Variants in NEXMIF observed in about 807,000 individuals in gnomAD.
NEXMIF encodes the protein neurite extension and migration factor.
A neutral mutation model predicts 62.1 loss-of-function variants in NEXMIF; 8 were observed. That is an observed-to-expected ratio of 0.13 (90% confidence interval 0.08 to 0.23). The LOEUF (loss-of-function observed/expected upper bound fraction) is 0.23. NEXMIF is among the 10% of genes least tolerant of loss of function. NEXMIF has a pLI of 1.00. For synonymous variants in NEXMIF, 404 were observed against 416.6 expected, an observed-to-expected ratio of 0.97 and a Z score of 0.37; for missense variants, 976 against 1,113.3, an observed-to-expected ratio of 0.88 and a Z score of 1.75.
At chrX:74,802,350 G>A (rs2080332406) in intron 1 of NEXMIF, among the ~76,000 whole-genome samples, 1 of 111,425 alleles carries the variant, frequency 9.0e-6, no homozygotes. Flanking sequence ...AGCTCCAGGT[G>A]GCTCAGAACA....
In NEXMIF at chrX:74,742,744, G is replaced by T. The variant is rs747472111; in HGVS notation, c.1813C>A (p.Pro605Thr). ...RNTNTDSIKT[P>T]FSQKQSFEPG... ...TCAAAGCTTTGCTTTTGGGAAAAAG[G>T]TGTCTTGATGGAGTCCGTGTTGGTG... is the stretch of plus-strand genomic sequence containing the variant. The change falls in exon 3 of 4, where the codon CCT (proline) becomes ACT (threonine). Residue 605 changes from proline to threonine, a missense_variant. Around this residue, in one of 5 missense-constraint regions of NEXMIF, gnomAD observed 639 missense variants for 694.5 expected, o/e 0.92. Coordinates refer to ENST00000055682, the MANE Select transcript of NEXMIF (RefSeq NM_001008537.3). 2 of 1,210,821 alleles carry T rather than the reference G, an allele frequency of 1.7e-6. No individual in the cohort carries two copies. Among genetic ancestry groups the T allele is most frequent in the Admixed American group, 2.2e-5 (1 of 45,909 alleles).
intron 1 of NEXMIF, among the ~76,000 whole-genome samples, chrX:74,902,183 C>T (rs760505257): frequency 2.7e-4 from 30 of 109,837 alleles, no homozygotes; most frequent in African/African-American, 8.6e-4. Flanking sequence ...AAATGGGATC[C>T]TCAAACCATT....
In NEXMIF at chrX:74,741,110, C is replaced by A. The variant is rs1182133752; in HGVS notation, c.3447G>T (p.Leu1149=). ...TTGACAGGCAAGGGTTTTTTTGGAG[C>A]AGGCTGACAGAATCCTCATCATTGA... ...HMFNDEDSVS[L]LQKNPCLSTF... The change falls in exon 3 of 4, where the codon CTG becomes CTT. Residue 1149 remains leucine, a synonymous_variant. Transcript: ENST00000055682. 8.3e-7 allele frequency: 1 copy of A among 1,210,834 alleles called. No homozygotes were observed. Among genetic ancestry groups the A allele is most frequent in the Non-Finnish European group, 1.1e-6 (1 of 894,915 alleles).
chrX:74,786,839 G>T (rs775075977), intron 1 of NEXMIF, among the ~76,000 whole-genome samples: 1 of 109,521 alleles, frequency 9.1e-6, no homozygotes, highest in Non-Finnish European at 1.9e-5. Flanking sequence ...ACACACACAC[G>T]TGAGCACATG....
At chrX:74,813,720 T>C (rs2080367524) in intron 1 of NEXMIF, among the ~76,000 whole-genome samples, 1 of 112,253 alleles carries the variant, frequency 8.9e-6, no homozygotes, top group South Asian at 3.7e-4. Flanking sequence ...TTCATCTGTA[T>C]GTATCAATGA....
intron 1 of NEXMIF, among the ~76,000 whole-genome samples, chrX:74,843,260 A>G (rs2080479827): frequency 9.0e-6 from 1 of 111,287 alleles, no homozygotes; most frequent in Non-Finnish European, 1.9e-5. Context: ...TCTTCGTTTG[A>G]AATCTGTTTT....
intron 1 of NEXMIF, among the ~76,000 whole-genome samples, chrX:74,890,909 G>T (rs1364871413): frequency 1.8e-5 from 2 of 111,196 alleles, no homozygotes; most frequent in African/African-American, 6.5e-5. Context: ...TAGACATGCT[G>T]CCACTGCTAC....
intron 1 of NEXMIF, among the ~76,000 whole-genome samples, chrX:74,841,781 T>C (rs945086315): frequency 1.8e-5 from 2 of 112,191 alleles, no homozygotes; most frequent in African/African-American, 6.5e-5. Context: ...TGAATCACAT[T>C]TTTTTGATTT....
intron 1 of NEXMIF, among the ~76,000 whole-genome samples, chrX:74,869,709 C>A (rs2080593239): frequency 9.0e-6 from 1 of 111,466 alleles, no homozygotes; most frequent in South Asian, 3.7e-4. Flanking sequence ...AAAATAATTC[C>A]ATTTACAATA....
chrX:74,743,765 A>G lies in NEXMIF; in HGVS notation c.792T>C (p.Phe264=). 1 of 1,211,160 alleles carries G rather than the reference A, an allele frequency of 8.3e-7. No individual in the cohort carries two copies. The highest frequency in any genetic ancestry group is 1.1e-6 in the Non-Finnish European group (1 of 895,124). The change falls in exon 3 of 4, where the codon TTT becomes TTC. Residue 264 remains phenylalanine (F), a synonymous_variant. Coordinates refer to ENST00000055682, the MANE Select transcript of NEXMIF (RefSeq NM_001008537.3). Reference sequence around the variant, plus strand: ...GCAGTTCAATCTTACTTTCACTAATAAAAGTCTCGAAGTAACCCCAATCCT... The same window carrying G: ...GCAGTTCAATCTTACTTTCACTAATGAAAGTCTCGAAGTAACCCCAATCCT... The part of the protein sequence containing the change: ...SNQDWGYFET[F]ISESKIELLD...
At chrX:74,791,405 C>A (rs1181380169) in intron 1 of NEXMIF, among the ~76,000 whole-genome samples, 4 of 111,259 alleles carry the variant, frequency 3.6e-5, no homozygotes, top group African/African-American at 9.8e-5. Context: ...ATTTTTGCAT[C>A]AATGTTCATC....
chrX:74,867,299 CA>C (rs2080583810), intron 1 of NEXMIF, among the ~76,000 whole-genome samples: 1 of 111,305 alleles, frequency 9.0e-6, no homozygotes, highest in Non-Finnish European at 1.9e-5. Flanking sequence ...CGTATGGAAC[CA>C]AAAAAGAGCC....
chrX:74,836,612 C>T (rs917241950), intron 1 of NEXMIF, among the ~76,000 whole-genome samples: 2 of 111,218 alleles, frequency 1.8e-5, no homozygotes, highest in African/African-American at 6.6e-5. Flanking sequence ...AAGGGCCTCA[C>T]GACTCTGCCT....
At chrX:74,802,664 A>C (rs552651573) in intron 1 of NEXMIF, among the ~76,000 whole-genome samples, 1 of 110,731 alleles carries the variant, frequency 9.0e-6, no homozygotes, top group Non-Finnish European at 1.9e-5. Context: ...ATGAACATCT[A>C]CAAATATCAA....
chrX:74,835,492 A>G (rs1321657822), intron 1 of NEXMIF, among the ~76,000 whole-genome samples: 3 of 111,929 alleles, frequency 2.7e-5, no homozygotes, highest in Admixed American at 1.9e-4. Context: ...CCCAAGCCCA[A>G]TATTTCTGTG....
At chrX:74,794,197 C>G (rs1014904438) in intron 1 of NEXMIF, among the ~76,000 whole-genome samples, 2 of 110,840 alleles carry the variant, frequency 1.8e-5, no homozygotes, top group Non-Finnish European at 3.8e-5. Context: ...TTCTAACAGA[C>G]AGTACCCTCA....
intron 1 of NEXMIF, among the ~76,000 whole-genome samples, chrX:74,878,890 G>C (rs942788591): frequency 8.9e-6 from 1 of 112,405 alleles, no homozygotes; most frequent in African/African-American, 3.2e-5. Flanking sequence ...CCCACTGTCT[G>C]GCACTCCCAA....
At chrX:74,793,220 C>T (rs1569344280) in intron 1 of NEXMIF, among the ~76,000 whole-genome samples, 1 of 110,341 alleles carries the variant, frequency 9.1e-6, no homozygotes, top group Non-Finnish European at 1.9e-5. Flanking sequence ...TATTTAATTT[C>T]TCCTTCACTT....
At chrX:74,919,988 G>GT (rs2147377464) in intron 1 of NEXMIF, among the ~76,000 whole-genome samples, 1 of 111,742 alleles carries the variant, frequency 8.9e-6, no homozygotes, top group South Asian at 3.8e-4. Context: ...GTATTCCATG[G>GT]TGTATATGTG....
Sources: allele counts gnomAD v4.1 joint callset (sites outside exome capture counted in the v4.1 genomes callset), GRCh38; gene constraint gnomAD v4.1.1; regional missense constraint gnomAD v4.1.1; transcripts MANE v1.5; gene names NCBI Gene and HGNC (gene_info 2026-07-23, HGNC 2026-07-21).